The following TENM3 variants were observed in gnomAD, a reference collection of about 807,000 sequenced individuals.
The protein encoded by TENM3 is teneurin transmembrane protein 3.
Under a neutral mutation model 255.1 loss-of-function variants are expected in TENM3, and 63 were observed. The observed-to-expected ratio is 0.25, with a 90% CI of 0.20 to 0.30. TENM3 has a LOEUF of 0.30. TENM3 is among the 10% of genes least tolerant of loss of function. The probability of loss-of-function intolerance (pLI) is 1.00; values close to 1 mark genes in which losing one functional copy is unlikely to be tolerated. For synonymous variants in TENM3, 1,306 were observed against 1,322.3 expected, an observed-to-expected ratio of 0.99 and a Z score of 0.27; for missense variants, 2,929 against 3,461.1, an observed-to-expected ratio of 0.85 and a Z score of 3.86.
rs973073276 is a variant in TENM3, at chr4:182,323,967, C to G, written c.-54C>G. 49 of 1,510,432 alleles carry G rather than the reference C, an allele frequency of 3.2e-5. No individual in the cohort carries two copies. The highest frequency in any genetic ancestry group is 4.1e-5 in the African/African-American group (3 of 72,686). 93.6% of individuals were successfully genotyped at this position (1,510,432 alleles called of 1,614,324 possible). A position where few individuals can be genotyped will look rare whatever the true frequency, so the allele number is the denominator to read the frequency against. On this transcript the variant is annotated 5_prime_UTR_variant, in exon 2 of 28. Coordinates refer to ENST00000511685, the MANE Select transcript of TENM3 (RefSeq NM_001080477.4). Reference sequence around the variant, plus strand: ...ACAGAGAGGCCAATGAGACTTGAACCCTGAGCCTAAGTTGTCACCAGCAGG... The same window carrying G: ...ACAGAGAGGCCAATGAGACTTGAACGCTGAGCCTAAGTTGTCACCAGCAGG...
chr4:181,674,995 A>G, the TENM3 span, among the ~76,000 whole-genome samples: 2 of 152,092 alleles, frequency 1.3e-5, no homozygotes, highest in Admixed American at 6.5e-5. Flanking sequence ...AGTGCTGGAG[A>G]CACAGAAGGT....
chr4:182,329,732 G>A (rs545451616), intron 2 of TENM3, among the ~76,000 whole-genome samples: 1 of 152,136 alleles, frequency 6.6e-6, no homozygotes, highest in African/African-American at 2.4e-5. Flanking sequence ...ACCAAATGCT[G>A]GAGAAAAAAT....
intron 1 of TENM3, among the ~76,000 whole-genome samples, chr4:182,284,618 G>A (rs937520840): frequency 3.9e-5 from 6 of 152,140 alleles, no homozygotes; most frequent in East Asian, 1.9e-4. Flanking sequence ...ACGCTGTTAC[G>A]AAGCTGTCAG....
the TENM3 span, among the ~76,000 whole-genome samples, chr4:182,131,655 C>T: frequency 6.6e-6 from 1 of 152,054 alleles, no homozygotes; most frequent in Non-Finnish European, 1.5e-5. Context: ...TGAAAGGAAA[C>T]CATTCAAAAG....
chr4:181,777,766 C>A, the TENM3 span, among the ~76,000 whole-genome samples: 1 of 152,080 alleles, frequency 6.6e-6, no homozygotes, highest in South Asian at 2.1e-4. Context: ...ACACTTATGT[C>A]TATAATATGT....
At chr4:182,616,684 T>C (rs1316380935) in intron 4 of TENM3, among the ~76,000 whole-genome samples, 1 of 152,044 alleles carries the variant, frequency 6.6e-6, no homozygotes, top group East Asian at 1.9e-4. Context: ...CTCTGCAGTC[T>C]TTCAGTTCAG....
chr4:182,161,985 A>G lies in TENM3; in HGVS notation c.-76+17231A>G, dbSNP rs112084962. Among the ~76,000 whole-genome samples the G allele has an allele frequency of 8.5e-5, 8 of 93,922 alleles. 1 individual carries two copies. Among genetic ancestry groups the G allele is most frequent in the Non-Finnish European group, 1.9e-4 (8 of 41,816 alleles). 61.6% of individuals were successfully genotyped at this position (93,922 alleles called of 152,430 possible). ...TATATATATATATATATATATATAT[A>G]TATATATATATGATGCAAACATACA... On this transcript the variant is annotated intron_variant, in intron 1 of 2. Coordinates refer to the TENM3 transcript ENST00000512480.
At chr4:181,784,712 G>C in the TENM3 span, among the ~76,000 whole-genome samples, 1 of 152,030 alleles carries the variant, frequency 6.6e-6, no homozygotes, top group Non-Finnish European at 1.5e-5. Flanking sequence ...TTTCTCATGA[G>C]GACTATATTA....
rs566887202 is a variant in TENM3, at chr4:182,471,813, A to G, written c.511+124884A>G. On this transcript the variant is annotated intron_variant, in intron 3 of 27. Coordinates refer to ENST00000511685, the MANE Select transcript of TENM3 (RefSeq NM_001080477.4). ...GCACAGTACATCATATGTCTTATTCACCTGTTTTCTTAAAAATTGTATTCA... is the reference window on the plus strand; with the variant it reads ...GCACAGTACATCATATGTCTTATTCGCCTGTTTTCTTAAAAATTGTATTCA... Among the ~76,000 whole-genome samples, 5 of 152,252 alleles carry G rather than the reference A, an allele frequency of 3.3e-5. No individual in the cohort carries two copies. In the South Asian group the frequency reaches 1.0e-3, roughly 32 times the overall value.
At chr4:182,692,925 C>A (rs1757117583) in intron 12 of TENM3, among the ~76,000 whole-genome samples, 1 of 151,920 alleles carries the variant, frequency 6.6e-6, no homozygotes, top group Non-Finnish European at 1.5e-5. Flanking sequence ...TTTGAAGGAC[C>A]CCTCAAGGTC....
chr4:182,594,154 T>C (rs1560975938), intron 3 of TENM3, among the ~76,000 whole-genome samples: 1 of 152,156 alleles, frequency 6.6e-6, no homozygotes, highest in Non-Finnish European at 1.5e-5. Context: ...TTTCTGTTCT[T>C]ATGACATTTC....
At chr4:181,752,471 G>A in the TENM3 span, among the ~76,000 whole-genome samples, 1 of 152,012 alleles carries the variant, frequency 6.6e-6, no homozygotes, top group Non-Finnish European at 1.5e-5. Flanking sequence ...GAAATTGCTT[G>A]AACCCTGGAG....
chr4:182,683,797 A>G (rs1304011687), intron 11 of TENM3, among the ~76,000 whole-genome samples: 6 of 152,178 alleles, frequency 3.9e-5, no homozygotes, highest in African/African-American at 1.4e-4. Flanking sequence ...CGAAGAGACA[A>G]GCTGGAGGAC....
intron 1 of TENM3, among the ~76,000 whole-genome samples, chr4:182,178,439 A>G (rs1752651065): frequency 6.6e-6 from 1 of 152,164 alleles, no homozygotes; most frequent in African/African-American, 2.4e-5. Context: ...AAACAATGTG[A>G]CAGTAGCTAA....
At chr4:181,505,994 G>A in the TENM3 span, among the ~76,000 whole-genome samples, 17 of 152,290 alleles carry the variant, frequency 1.1e-4, no homozygotes, top group African/African-American at 3.8e-4. Flanking sequence ...TCCAGTCCTG[G>A]AAGCAGAATG....
chr4:181,741,380 T>C, the TENM3 span, among the ~76,000 whole-genome samples: 1 of 152,154 alleles, frequency 6.6e-6, no homozygotes, highest in African/African-American at 2.4e-5. Context: ...AATCTATTAG[T>C]AGCTCTTGAG....
the TENM3 span, among the ~76,000 whole-genome samples, chr4:182,103,456 A>C: frequency 6.6e-6 from 1 of 152,268 alleles, no homozygotes; most frequent in African/African-American, 2.4e-5. Context: ...TGGCCTCTTC[A>C]TAATGAAATT....
At chr4:181,912,727 A>G in the TENM3 span, among the ~76,000 whole-genome samples, 2 of 151,068 alleles carry the variant, frequency 1.3e-5, no homozygotes, top group African/African-American at 4.9e-5. Flanking sequence ...ATCTGAGATC[A>G]TGCCACTGCA....
At chr4:182,220,739 G>T (rs192526063) in intron 1 of TENM3, among the ~76,000 whole-genome samples, 1 of 152,178 alleles carries the variant, frequency 6.6e-6, no homozygotes, top group Non-Finnish European at 1.5e-5. Flanking sequence ...CTAAGAACTA[G>T]CCCATGTACA....
Sources: gnomAD v4.1 joint callset for allele counts (sites outside exome capture counted in the v4.1 genomes callset) on GRCh38, gnomAD v4.1.1 for gene constraint, MANE v1.5 for transcripts, NCBI Gene and HGNC (gene_info 2026-07-23, HGNC 2026-07-21) for gene names.